The following RBFOX1 variants were observed in gnomAD, a reference collection of about 807,000 sequenced individuals.
RBFOX1 encodes RNA binding protein fox-1 homolog 1.
A neutral mutation model predicts 57.7 loss-of-function variants in RBFOX1; 8 were observed. The ratio of observed to expected loss-of-function variants is 0.14; its 90% confidence interval spans 0.08 to 0.25. The LOEUF is 0.25. RBFOX1 is among the 10% of genes least tolerant of loss of function. The pLI is 1.00. For missense variants in RBFOX1, 611 were observed against 548.5 expected (o/e 1.11, Z -1.14); for synonymous variants, 326 against 222.4 (o/e 1.47, Z -4.15).
intron 1 of RBFOX1, among the ~76,000 whole-genome samples, chr16:6,024,705 G>A (rs2095152417): frequency 6.6e-6 from 1 of 152,040 alleles, no homozygotes; most frequent in Admixed American, 6.6e-5. Flanking sequence ...GGTCTTAAAC[G>A]CCTGACCTCA....
At chr16:6,963,914 G>A (rs776583282) in intron 3 of RBFOX1, among the ~76,000 whole-genome samples, 7 of 152,176 alleles carry the variant, frequency 4.6e-5, no homozygotes, top group South Asian at 2.1e-4. Context: ...TAGCCAAGAC[G>A]GTGTCGATCT....
chr16:6,365,368 G>A (rs1306962883), intron 2 of RBFOX1, among the ~76,000 whole-genome samples: 5 of 150,998 alleles, frequency 3.3e-5, no homozygotes, highest in Non-Finnish European at 7.4e-5. Context: ...AGACGGATGA[G>A]TGGATGGGTG....
intron 2 of RBFOX1, among the ~76,000 whole-genome samples, chr16:5,479,511 C>T (rs1348067481): frequency 6.6e-6 from 1 of 152,278 alleles, no homozygotes; most frequent in South Asian, 2.1e-4. Flanking sequence ...GTAATCCCAG[C>T]ACTTTGGGAG....
At chr16:7,688,252 TGTGTGTGTGAGA>T (rs1470925846) in intron 14 of RBFOX1, among the ~76,000 whole-genome samples, 98 of 109,990 alleles carry the variant, frequency 8.9e-4, no homozygotes, top group Non-Finnish European at 1.5e-3. Flanking sequence ...TGTGTGTGTG[TGTGTGTGTGAGA>T]GAGAGAGAGA....
At chr16:5,370,047 G>A (rs969788740) in intron 1 of RBFOX1, among the ~76,000 whole-genome samples, 4 of 152,044 alleles carry the variant, frequency 2.6e-5, no homozygotes, top group African/African-American at 9.7e-5. Flanking sequence ...TCCATGTATT[G>A]AGCACCTACT....
intron 3 of RBFOX1, among the ~76,000 whole-genome samples, chr16:6,876,043 C>G (rs2061783076): frequency 6.6e-6 from 1 of 151,484 alleles, no homozygotes; most frequent in African/African-American, 2.4e-5. Context: ...CATAGTAACA[C>G]ACGTCTATAG....
At chr16:6,799,064 C>G (rs1207634816) in intron 3 of RBFOX1, among the ~76,000 whole-genome samples, 1 of 151,960 alleles carries the variant, frequency 6.6e-6, no homozygotes, top group Non-Finnish European at 1.5e-5. Context: ...TATTTGGTAG[C>G]TTATAATCTA....
intron 3 of RBFOX1, among the ~76,000 whole-genome samples, chr16:6,671,177 G>C (rs896488090): frequency 3.3e-5 from 5 of 152,278 alleles, no homozygotes; most frequent in Admixed American, 1.3e-4. Context: ...CCTGGACTGA[G>C]CCACCATTGT....
intron 1 of RBFOX1, among the ~76,000 whole-genome samples, chr16:5,412,242 C>G (rs985220116): frequency 2.7e-5 from 4 of 147,416 alleles, no homozygotes; most frequent in African/African-American, 1.0e-4. Context: ...TGTCTCCAGT[C>G]TTTAGAATCC....
intron 13 of RBFOX1, among the ~76,000 whole-genome samples, chr16:7,665,367 G>A (rs971160101): frequency 1.3e-5 from 2 of 152,120 alleles, no homozygotes; most frequent in Non-Finnish European, 2.9e-5. Context: ...TATTTTCATG[G>A]CTGCTATTTT....
chr16:7,245,051 C>T (rs377132973), intron 4 of RBFOX1, among the ~76,000 whole-genome samples: 1 of 152,134 alleles, frequency 6.6e-6, no homozygotes, highest in South Asian at 2.1e-4. Context: ...ACCAGACTTT[C>T]TGATTGTTTA....
chr16:5,457,561 T>A (rs944915858), intron 1 of RBFOX1, among the ~76,000 whole-genome samples: 1 of 152,196 alleles, frequency 6.6e-6, no homozygotes, highest in African/African-American at 2.4e-5. Context: ...ATCTGAGGAA[T>A]TTTGGGGCCA....
At chr16:6,919,515 C>A (rs1375144845) in intron 3 of RBFOX1, among the ~76,000 whole-genome samples, 1 of 151,914 alleles carries the variant, frequency 6.6e-6, no homozygotes, top group Non-Finnish European at 1.5e-5. Context: ...GGATTTGAAC[C>A]ATGAAATCCC....
At chr16:6,903,647 T>C (rs2069030664) in intron 3 of RBFOX1, among the ~76,000 whole-genome samples, 1 of 152,120 alleles carries the variant, frequency 6.6e-6, no homozygotes, top group African/African-American at 2.4e-5. Context: ...GTCCTTTGGA[T>C]AAGCAGGTGT....
intron 3 of RBFOX1, among the ~76,000 whole-genome samples, chr16:6,739,126 A>C (rs2071301244): frequency 6.6e-6 from 1 of 152,106 alleles, no homozygotes; most frequent in African/African-American, 2.4e-5. Context: ...AGCAGAGAGG[A>C]AATAATAAAA....
At chr16:7,645,359 A>G (rs1290392523) in intron 11 of RBFOX1, among the ~76,000 whole-genome samples, 1 of 152,220 alleles carries the variant, frequency 6.6e-6, no homozygotes, top group Non-Finnish European at 1.5e-5. Flanking sequence ...GTAATTAATC[A>G]CTAATCACCC....
rs552545252 is a variant in RBFOX1, at chr16:6,382,052, C to T, written c.-64+64995C>T. ...TGTTGCTATTCAACTGCCTTTGTAG[C>T]GTGAAAGCTGCCTTGATGATATGTA... On this transcript the variant is annotated intron_variant, in intron 2 of 15. Coordinates refer to ENST00000550418, the MANE Select transcript of RBFOX1 (RefSeq NM_018723.4). 1.7e-4 allele frequency among the ~76,000 whole-genome samples: 26 copies of T among 152,300 alleles called. No homozygotes were observed. In the South Asian group the frequency reaches 5.0e-3, roughly 29 times the overall value.
chr16:6,842,892 A>T (rs891207047), intron 3 of RBFOX1, among the ~76,000 whole-genome samples: 2 of 151,200 alleles, frequency 1.3e-5, no homozygotes, highest in African/African-American at 4.9e-5. Context: ...TCATTGTTCA[A>T]CTCCGACTTA....
chr16:5,623,409 T>G (rs958752782), intron 3 of RBFOX1, among the ~76,000 whole-genome samples: 3 of 152,172 alleles, frequency 2.0e-5, no homozygotes, highest in Admixed American at 2.0e-4. Flanking sequence ...AGAGAAAGTC[T>G]CTACTCTCAG....
Sources: gnomAD v4.1 joint callset for allele counts (sites outside exome capture counted in the v4.1 genomes callset) on GRCh38, gnomAD v4.1.1 for gene constraint, MANE v1.5 for transcripts, NCBI Gene and HGNC (gene_info 2026-07-23, HGNC 2026-07-21) for gene names.